Variants in TASOR2 observed in about 807,000 individuals in gnomAD.
TASOR2 encodes protein TASOR 2.
Under a neutral mutation model 199.5 loss-of-function variants are expected in TASOR2, and 84 were observed. That is an observed-to-expected ratio of 0.42 (90% CI 0.35 to 0.50). The LOEUF is 0.50. Among genes scored for constraint, TASOR2 ranks in the 20% least tolerant of loss-of-function variants. TASOR2 has a pLI of 0.02. For synonymous variants in TASOR2, 1,103 were observed against 1,046.6 expected (o/e 1.05, Z -1.04); for missense variants, 2,796 against 2,835.9 (o/e 0.99, Z 0.32).
intron 9 of TASOR2, 37 bp from the exon 11 acceptor site, chr10:5,727,024 A>G (rs753236781): frequency 2.5e-6 from 4 of 1,613,700 alleles, no homozygotes; most frequent in African/African-American, 2.7e-5. Context: ...AAGATCAACA[A>G]CCTAACTTTT....
At chr10:5,717,782 C>G (rs978716056) in intron 3 of TASOR2, 32 bp downstream of exon 4, 2 of 888,756 alleles carry the variant, frequency 2.3e-6, no homozygotes, top group Non-Finnish European at 3.0e-6. Context: ...ACGTGATTTC[C>G]TTTTAAAGTT....
At position 5,738,205 on chromosome 10, in the gene TASOR2, G is replaced by A. The variant is rs2131609077; in HGVS notation, c.1448-1413G>A. 6.6e-6 allele frequency among the ~76,000 whole-genome samples: 1 copy of A among 151,806 alleles called. No homozygotes were observed. Among genetic ancestry groups the A allele is most frequent in the Admixed American group, 6.6e-5 (1 of 15,252 alleles). ...ACTTTTTTTTAATGTAGTTCCTTTG[G>A]CATTGTCTTATGTATGTCTTAAATA... On this transcript the variant is annotated intron_variant, in intron 12 of 20. Coordinates refer to ENST00000328090, the Ensembl canonical transcript of TASOR2. The surrounding 1 kb of genome is among the most constrained non-coding windows in gnomAD (Gnocchi z 4.7).
At chr10:5,747,437 C>T in exon 15 of TASOR2, 1 of 1,614,094 alleles carries the variant, frequency 6.2e-7, no homozygotes, top group Non-Finnish European at 8.5e-7. Context: ...GAAGTGAGTT[C>T]TGCTGACAAT....
chr10:5,747,291 A>G lies in TASOR2; in HGVS notation c.3870A>G (p.Pro1290=), dbSNP rs1837352222. 2.5e-6 allele frequency: 4 copies of G among 1,614,170 alleles called. No homozygotes were observed. In the African/African-American group the frequency reaches 5.3e-5, roughly 22 times the overall value. The change falls in exon 15 of 21, where the codon CCA becomes CCG. Residue 1290 remains proline, a synonymous_variant. Transcript: ENST00000328090. ...TTGACTTAGCTCTAACAATATCACC[A>G]CCTACAAGTCCCAGAGAAGAAATGC...
rs1350802030 is a variant in TASOR2 at position 5,730,565 on chromosome 10, T to C, written c.566T>C (p.Leu189Pro). The C allele has an allele frequency of 1.9e-6, 3 of 1,614,076 alleles. No homozygotes were observed. In the African/African-American group the frequency reaches 4.0e-5, roughly 22 times the overall value. ...TTATCTACCCTTAATTGTGCCCTGC[T>C]AGAAACAAAGAAATCACTTCCTGAA... Residue 189 changes from leucine (L) to proline (P), a missense_variant, in exon 11 of 21, where the codon CTA becomes CCA. By Grantham distance (98) the Leu-to-Pro change is moderately conservative. Coordinates refer to ENST00000328090, the Ensembl canonical transcript of TASOR2. This position sits in a 1 kb window ranked among gnomAD's most constrained non-coding sequence, Gnocchi z 4.1.
intron 10 of TASOR2, among the ~76,000 whole-genome samples, chr10:5,729,639 A>G (rs1351201510): frequency 3.9e-5 from 6 of 152,186 alleles, no homozygotes; most frequent in Non-Finnish European, 8.8e-5. Flanking sequence ...GTGCTAATGT[A>G]TTTAACTAGA....
exon 15 of TASOR2, chr10:5,746,273 C>A (rs781301934): frequency 6.2e-7 from 1 of 1,613,858 alleles, no homozygotes; most frequent in South Asian, 1.1e-5. Flanking sequence ...CCTTCTGTTC[C>A]TAGTGAAGAA....
At chr10:5,725,214 A>G (rs76154345) in intron 8 of TASOR2, among the ~76,000 whole-genome samples, 30,213 of 151,742 alleles carry the variant, frequency 0.2, 3,123 homozygotes, top group Admixed American at 0.24. Flanking sequence ...CCTGACTAAC[A>G]TGGTGAAACC....
chr10:5,748,209 A>G lies in TASOR2; in HGVS notation c.4788A>G (p.Ala1596=). The change falls in exon 15 of 21, where the codon GCA becomes GCG. Residue 1596 remains alanine (A), a synonymous_variant. Coordinates refer to ENST00000328090, the Ensembl canonical transcript of TASOR2. The surrounding 1 kb of genome is among the most constrained non-coding windows in gnomAD (Gnocchi z 5.1). ...CTGACACATTGGTTTCCACAACTGCACCAAGTGGTATAGTGAATGTGTCAG... is the reference window on the plus strand; with the variant it reads ...CTGACACATTGGTTTCCACAACTGCGCCAAGTGGTATAGTGAATGTGTCAG... 1 of 1,614,246 alleles carries G rather than the reference A, an allele frequency of 6.2e-7. No homozygotes were observed. Among genetic ancestry groups the G allele is most frequent in the Non-Finnish European group, 8.5e-7 (1 of 1,180,044 alleles).
At chr10:5,745,811 A>G (rs1387058700) in intron 14 of TASOR2, among the ~76,000 whole-genome samples, 1 of 152,188 alleles carries the variant, frequency 6.6e-6, no homozygotes, top group Non-Finnish European at 1.5e-5. Context: ...TTTATTAAAA[A>G]CAAAATTGAA....
chr10:5,749,109 G>A (rs1837624562), exon 15 of TASOR2: 6 of 1,613,930 alleles, frequency 3.7e-6, no homozygotes, highest in Non-Finnish European at 4.2e-6. Flanking sequence ...TCCCTCCCGG[G>A]CACTGGACTG....
At position 5,754,310 on chromosome 10, in the gene TASOR2, C is replaced by T. The variant is rs543795249; in HGVS notation, c.6607-2303C>T. 6.6e-6 allele frequency among the ~76,000 whole-genome samples: 1 copy of T among 152,258 alleles called. No individual in the cohort carries two copies. The highest frequency in any genetic ancestry group is 2.1e-4 in the South Asian group (1 of 4,824). ...AACAGAGCAGTAATCTTAGTTCTCA[C>T]TTCCTTTCCAGATGAAGTGATAATG... On this transcript the variant is annotated intron_variant, in intron 15 of 20. Transcript: ENST00000328090. This position sits in a 1 kb window ranked among gnomAD's most constrained non-coding sequence, Gnocchi z 4.3.
chr10:5,749,419 T>G, exon 15 of TASOR2: 1 of 1,614,222 alleles, frequency 6.2e-7, no homozygotes, highest in South Asian at 1.1e-5. Flanking sequence ...GCATTCTGCC[T>G]CCTCTGCCAA....
At chr10:5,723,598 T>G in intron 6 of TASOR2, 79 bp from the exon 8 acceptor site, 1 of 837,872 alleles carries the variant, frequency 1.2e-6, no homozygotes, top group Non-Finnish European at 1.8e-6. Context: ...TGTTTACATT[T>G]ATATTAGAAA....
rs531765313 is a variant in TASOR2, at chr10:5,719,967, C to G, written c.-99-577C>G. On this transcript the variant is annotated intron_variant, in intron 3 of 20. Transcript: ENST00000328090. The surrounding 1 kb of genome is among the most constrained non-coding windows in gnomAD (Gnocchi z 4.1). ...TAGTTTTTCTTTTAAGGAAATGGCT[C>G]TCTTAAATTTAGGGTGATTCGTATA... is the stretch of plus-strand genomic sequence containing the variant. 1.3e-5 allele frequency among the ~76,000 whole-genome samples: 2 copies of G among 152,228 alleles called. No homozygotes were observed. Among genetic ancestry groups the G allele is most frequent in the East Asian group, 3.9e-4 (2 of 5,186 alleles).
At chr10:5,707,748 A>T (rs1838840604) in intron 1 of TASOR2, among the ~76,000 whole-genome samples, 1 of 85,272 alleles carries the variant, frequency 1.2e-5, no homozygotes, top group Non-Finnish European at 3.2e-5. Context: ...ACACACACAC[A>T]CACACACACA....
intron 1 of TASOR2, among the ~76,000 whole-genome samples, chr10:5,695,439 TAGTA>T (rs1268672328): frequency 6.6e-6 from 1 of 152,188 alleles, no homozygotes; most frequent in African/African-American, 2.4e-5. Flanking sequence ...TTATTTAAAT[TAGTA>T]TGTATTGATT....
chr10:5,698,430 G>C lies in TASOR2; in HGVS notation c.-288+13255G>C, dbSNP rs1324069844. 6.6e-6 allele frequency among the ~76,000 whole-genome samples: 1 copy of C among 152,114 alleles called. No homozygotes were observed. Among genetic ancestry groups the C allele is most frequent in the East Asian group, 1.9e-4 (1 of 5,192 alleles). On this transcript the variant is annotated intron_variant, in intron 1 of 20. Coordinates refer to ENST00000328090, the Ensembl canonical transcript of TASOR2. This position sits in a 1 kb window ranked among gnomAD's most constrained non-coding sequence, Gnocchi z 4.4. ...TTAATAAACATTAGTTAACCGAACA[G>C]TTATATGATTAAAAATAAAAAAAGA... is the stretch of plus-strand genomic sequence containing the variant.
chr10:5,723,999 A>G (rs967790691), intron 7 of TASOR2, among the ~76,000 whole-genome samples: 1 of 152,254 alleles, frequency 6.6e-6, no homozygotes, highest in African/African-American at 2.4e-5. Flanking sequence ...GCTAGCTTTA[A>G]TATAGAAATA....
Sources: allele counts gnomAD v4.1 joint callset (sites outside exome capture counted in the v4.1 genomes callset), GRCh38; gene constraint gnomAD v4.1.1; non-coding constraint Gnocchi (gnomAD v3.1); transcripts MANE v1.5; gene names NCBI Gene and HGNC (gene_info 2026-07-23, HGNC 2026-07-21).